Variants in ADCY2 observed in about 807,000 individuals in gnomAD.
ADCY2 encodes adenylate cyclase 2.
A neutral mutation model predicts 125.2 loss-of-function variants in ADCY2; 31 were observed. The ratio of observed to expected loss-of-function variants is 0.25; its 90% confidence interval spans 0.19 to 0.33. The LOEUF (loss-of-function observed/expected upper bound fraction) is 0.33, where lower values mean the gene tolerates loss of function less well. Ranked by LOEUF, ADCY2 falls within the 10% of genes least tolerant of loss-of-function variation. The probability of loss-of-function intolerance (pLI) is 1.00; values close to 1 mark genes in which losing one functional copy is unlikely to be tolerated. For missense variants in ADCY2, 904 were observed against 1,418.2 expected, an observed-to-expected ratio of 0.64 and a Z score of 5.82; for synonymous variants, 512 against 548.4, an observed-to-expected ratio of 0.93 and a Z score of 0.93.
chr5:7,573,098 G>T (rs1053523923), intron 3 of ADCY2, among the ~76,000 whole-genome samples: 1 of 152,026 alleles, frequency 6.6e-6, no homozygotes, highest in Non-Finnish European at 1.5e-5. Context: ...AAGGAGAGAG[G>T]CCCTAGAAGA....
At chr5:7,505,606 C>T (rs1186741652) in intron 2 of ADCY2, among the ~76,000 whole-genome samples, 1 of 152,164 alleles carries the variant, frequency 6.6e-6, no homozygotes, top group Non-Finnish European at 1.5e-5. Context: ...AATTCATGTT[C>T]GTAGCTCACG....
At chr5:7,415,586 C>G (rs1461727440) in intron 2 of ADCY2, among the ~76,000 whole-genome samples, 3 of 152,224 alleles carry the variant, frequency 2.0e-5, no homozygotes, top group African/African-American at 7.2e-5. Context: ...AAGACCCTTC[C>G]TACTTCTGTG....
rs146909661 is a variant in ADCY2 at position 7,521,359 on chromosome 5, TA to T, written c.570+469del. On this transcript the variant is annotated intron_variant, in intron 3 of 24. Coordinates refer to ENST00000338316, the MANE Select transcript of ADCY2 (RefSeq NM_020546.3). Reference sequence around the variant, plus strand: ...AATTTTCTATCAGGTCTATGAGCATTAAAAAAAAAGTAATTCTTTAAAATGG... The same window carrying T: ...AATTTTCTATCAGGTCTATGAGCATTAAAAAAAAGTAATTCTTTAAAATGG... 9.9e-5 allele frequency among the ~76,000 whole-genome samples: 15 copies of T among 151,284 alleles called. No individual in the cohort carries two copies. The South Asian group carries it at 1.0e-3, about 11-fold the overall frequency.
chr5:7,725,236 C>T (rs575836282), intron 13 of ADCY2, among the ~76,000 whole-genome samples: 48 of 152,188 alleles, frequency 3.2e-4, no homozygotes, highest in African/African-American at 9.4e-4. Context: ...TTATTTTATT[C>T]GCCTTTTGTT....
chr5:7,809,341 G>A (rs1744862070), intron 22 of ADCY2, among the ~76,000 whole-genome samples: 1 of 152,200 alleles, frequency 6.6e-6, no homozygotes, highest in Non-Finnish European at 1.5e-5. Context: ...TGCAATGAAT[G>A]TATTCTGAAA....
At chr5:7,626,441 G>A in intron 4 of ADCY2, 125 bp downstream of exon 4, 1 of 1,101,592 alleles carries the variant, frequency 9.1e-7, no homozygotes, top group East Asian at 2.6e-5. Context: ...GAAACCCTGG[G>A]CTCTGCACCT....
chr5:7,521,666 T>A (rs1014834000), intron 3 of ADCY2, among the ~76,000 whole-genome samples: 3 of 152,234 alleles, frequency 2.0e-5, no homozygotes, highest in African/African-American at 7.2e-5. Flanking sequence ...AAAGGAACTT[T>A]AGGCATAGGT....
chr5:7,717,247 T>A lies in ADCY2; in HGVS notation c.1703+10T>A. ...GGATTAATGCACAGAAGTGAGTACT[T>A]CTTTCTCTTAAATTATCTTTCATCT... is the stretch of plus-strand genomic sequence containing the variant. On this transcript the variant is annotated intron_variant, in intron 12 of 24. Coordinates refer to ENST00000338316, the MANE Select transcript of ADCY2 (RefSeq NM_020546.3). 2 of 1,564,652 alleles carry A rather than the reference T, an allele frequency of 1.3e-6. No individual in the cohort carries two copies. The highest frequency in any genetic ancestry group is 1.8e-6 in the Non-Finnish European group (2 of 1,140,890).
intron 19 of ADCY2, 102 bp from the exon 20 acceptor site, chr5:7,789,540 T>A (rs987377615): frequency 1.6e-6 from 2 of 1,241,928 alleles, no homozygotes; most frequent in East Asian, 2.4e-5. Flanking sequence ...GGGGTTCTTT[T>A]TTCGGTTTCA....
intron 3 of ADCY2, among the ~76,000 whole-genome samples, chr5:7,546,212 C>T (rs539763310): frequency 6.6e-6 from 1 of 152,312 alleles, no homozygotes; most frequent in Admixed American, 6.5e-5. Context: ...AAATCCAGTT[C>T]ATCTAATGCT....
At chr5:7,807,283 G>A (rs779653107) in intron 22 of ADCY2, among the ~76,000 whole-genome samples, 2 of 152,184 alleles carry the variant, frequency 1.3e-5, no homozygotes, top group East Asian at 1.9e-4. Context: ...CCGCAGCCAC[G>A]CTTTATAGAC....
At chr5:7,449,170 C>T (rs1353490838) in intron 2 of ADCY2, among the ~76,000 whole-genome samples, 1 of 152,100 alleles carries the variant, frequency 6.6e-6, no homozygotes, top group Non-Finnish European at 1.5e-5. Flanking sequence ...AATCGCCATT[C>T]TGACTGGTGT....
chr5:7,471,574 G>T (rs1246592245), intron 2 of ADCY2, among the ~76,000 whole-genome samples: 1 of 151,634 alleles, frequency 6.6e-6, no homozygotes, highest in Non-Finnish European at 1.5e-5. Context: ...TCTATAATAT[G>T]TGGCTATCTT....
At chr5:7,462,376 T>C (rs906290160) in intron 2 of ADCY2, among the ~76,000 whole-genome samples, 1 of 152,218 alleles carries the variant, frequency 6.6e-6, no homozygotes, top group East Asian at 1.9e-4. Flanking sequence ...CACTGATTGA[T>C]AATAACTAGG....
chr5:7,689,604 A>G (rs1740638900), intron 4 of ADCY2, among the ~76,000 whole-genome samples: 4 of 152,176 alleles, frequency 2.6e-5, no homozygotes, highest in Admixed American at 2.6e-4. Flanking sequence ...AGTTTCCAAC[A>G]GCCACCAAAG....
intron 12 of ADCY2, among the ~76,000 whole-genome samples, chr5:7,719,830 TGG>T (rs1741704131): frequency 6.6e-6 from 1 of 152,142 alleles, no homozygotes; most frequent in Non-Finnish European, 1.5e-5. Flanking sequence ...TGAACTTTGG[TGG>T]GGGACACAAA....
At chr5:7,585,221 A>G (rs937723091) in intron 3 of ADCY2, among the ~76,000 whole-genome samples, 12 of 152,100 alleles carry the variant, frequency 7.9e-5, no homozygotes, top group African/African-American at 2.4e-4. Context: ...TTTTTTTGAA[A>G]TTCTTCTATG....
At chr5:7,592,211 A>T (rs561690402) in intron 3 of ADCY2, among the ~76,000 whole-genome samples, 1 of 152,210 alleles carries the variant, frequency 6.6e-6, no homozygotes, top group Admixed American at 6.5e-5. Context: ...TTATTAGTGT[A>T]TTTTTGCTTT....
intron 4 of ADCY2, among the ~76,000 whole-genome samples, chr5:7,658,552 T>C (rs995055258): frequency 2.0e-5 from 3 of 151,968 alleles, no homozygotes; most frequent in Non-Finnish European, 4.4e-5. Context: ...CCCGAGTAGC[T>C]GGGACTACAA....
Sources: gnomAD v4.1 joint callset for allele counts (sites outside exome capture counted in the v4.1 genomes callset) on GRCh38, gnomAD v4.1.1 for gene constraint, MANE v1.5 for transcripts, NCBI Gene and HGNC (gene_info 2026-07-23, HGNC 2026-07-21) for gene names.